The following L2HGDH variants were observed in gnomAD, a reference collection of about 807,000 sequenced individuals.
The protein encoded by L2HGDH is L-2-hydroxyglutarate dehydrogenase, mitochondrial.
L2HGDH carries 34 observed loss-of-function variants against 51.5 expected under a neutral mutation model. That is an observed-to-expected ratio of 0.66 (90% CI 0.50 to 0.88). The LOEUF (loss-of-function observed/expected upper bound fraction) is 0.88, where lower values mean the gene tolerates loss of function less well. L2HGDH is among the 40% of genes least tolerant of loss of function. The pLI is 0.00. For missense variants in L2HGDH, 558 were observed against 571.9 expected (o/e 0.98, Z 0.25); for synonymous variants, 198 against 197.9 (o/e 1.00, Z -0.01).
intron 9 of L2HGDH, among the ~76,000 whole-genome samples, chr14:50,250,079 T>G (rs534442789): frequency 6.6e-6 from 1 of 152,076 alleles, no homozygotes; most frequent in African/African-American, 2.4e-5. Flanking sequence ...TTTTTGTATT[T>G]TTAGTAGAGA....
At position 50,248,394 on chromosome 14, in the gene L2HGDH, C is replaced by T. The variant is rs377455020; in HGVS notation, c.1197-1141G>A. 2.6e-4 allele frequency among the ~76,000 whole-genome samples: 40 copies of T among 152,286 alleles called. No homozygotes were observed. In the East Asian group the frequency reaches 5.6e-3, roughly 21 times the overall value. ...AAGAACACTATGAAGGCACTGCCCT[C>T]TAAGACTTCAGCTGGCTGAAGAGAG... is the stretch of plus-strand genomic sequence containing the variant. On this transcript the variant is annotated intron_variant, in intron 9 of 9. Transcript: ENST00000267436.
At chr14:50,285,914 C>A (rs566395486) in intron 4 of L2HGDH, among the ~76,000 whole-genome samples, 1 of 152,264 alleles carries the variant, frequency 6.6e-6, no homozygotes, top group Admixed American at 6.5e-5. Flanking sequence ...GTGTGCCCCA[C>A]CTATACATGT....
At position 50,262,576 on chromosome 14, in the gene L2HGDH, G is replaced by GTA. The variant is rs1485023325; in HGVS notation, c.1196+2780_1196+2781dup. 9.9e-5 allele frequency among the ~76,000 whole-genome samples: 15 copies of GTA among 151,920 alleles called. No individual in the cohort carries two copies. In the East Asian group the frequency reaches 2.9e-3, roughly 29 times the overall value. On this transcript the variant is annotated intron_variant, in intron 9 of 9. Coordinates refer to ENST00000267436, the MANE Select transcript of L2HGDH (RefSeq NM_024884.3). ...CATTACCGATATGATAGAAGCCTCT[G>GTA]TAGAACTCTCAAGATCCCATTCTCT...
At chr14:50,254,542 T>G (rs1210824680) in intron 9 of L2HGDH, among the ~76,000 whole-genome samples, 1 of 151,994 alleles carries the variant, frequency 6.6e-6, no homozygotes, top group Non-Finnish European at 1.5e-5. Context: ...TGATGTTGAG[T>G]GTCCAATGTA....
intron 6 of L2HGDH, among the ~76,000 whole-genome samples, chr14:50,272,264 G>A (rs1889739289): frequency 6.6e-6 from 1 of 152,084 alleles, no homozygotes; most frequent in Non-Finnish European, 1.5e-5. Context: ...GGCAACTCTG[G>A]GTACAAAGTA....
At chr14:50,311,975 C>G (rs1185039957) in intron 1 of L2HGDH, 36 bp downstream of exon 1, 2 of 1,545,130 alleles carry the variant, frequency 1.3e-6, no homozygotes, top group East Asian at 2.4e-5. Flanking sequence ...CGAGGGGCAG[C>G]AGCGCAGGCG....
At chr14:50,279,540 G>A (rs1890145491) in intron 5 of L2HGDH, among the ~76,000 whole-genome samples, 2 of 152,118 alleles carry the variant, frequency 1.3e-5, no homozygotes, top group East Asian at 3.8e-4. Flanking sequence ...TATGGGTGAT[G>A]CTAACATTTG....
At chr14:50,254,429 G>A (rs913808368) in intron 9 of L2HGDH, among the ~76,000 whole-genome samples, 1 of 151,988 alleles carries the variant, frequency 6.6e-6, no homozygotes, top group Non-Finnish European at 1.5e-5. Context: ...GGGTAGAGAC[G>A]CATATGTTTA....
chr14:50,256,056 A>C (rs1311689316), intron 9 of L2HGDH, among the ~76,000 whole-genome samples: 1 of 152,132 alleles, frequency 6.6e-6, no homozygotes, highest in South Asian at 2.1e-4. Flanking sequence ...TGTGTAACTA[A>C]ATACATACAT....
rs1887960058 is a variant in L2HGDH at position 50,245,665 on chromosome 14, T to C, written c.*1393A>G. 1 of 982,350 alleles carries C rather than the reference T, an allele frequency of 1.0e-6. No individual in the cohort carries two copies. Among genetic ancestry groups the C allele is most frequent in the Admixed American group, 6.2e-5 (1 of 16,252 alleles). 60.9% of individuals were successfully genotyped at this position (982,350 alleles called of 1,614,324 possible). On this transcript the variant is annotated 3_prime_UTR_variant, in exon 10 of 10. Transcript: ENST00000267436. ...AATTAAAAGAATGTAACCTACAATA[T>C]AATGTATTTTCTTGTCTATGAGAGA...
intron 5 of L2HGDH, among the ~76,000 whole-genome samples, chr14:50,283,383 C>T (rs1890383985): frequency 6.6e-6 from 1 of 152,082 alleles, no homozygotes; most frequent in South Asian, 2.1e-4. Flanking sequence ...TCCAGGAGTC[C>T]CAGTTCTCTC....
At position 50,247,259 on chromosome 14, in the gene L2HGDH, A is replaced by G. The variant is rs1206462664; in HGVS notation, c.1197-6T>C. ...CTCTTACTCCAGCTGGGCCCCTGCAAAAGTAAAAGATGGGAGTCAGCTGAC... is the reference window on the plus strand; with the variant it reads ...CTCTTACTCCAGCTGGGCCCCTGCAGAAGTAAAAGATGGGAGTCAGCTGAC... On this transcript the variant is annotated splice_polypyrimidine_tract_variant and splice_region_variant and intron_variant, in intron 9 of 9. Transcript: ENST00000267436. 1.2e-6 allele frequency: 2 copies of G among 1,612,044 alleles called. No individual in the cohort carries two copies. The highest frequency in any genetic ancestry group is 2.2e-5 in the East Asian group (1 of 44,876).
rs867021610 is a variant in L2HGDH, at chr14:50,306,597, G to A, written c.141-3580C>T. Among the ~76,000 whole-genome samples the A allele has an allele frequency of 7.0e-3, 695 of 99,444 alleles. 3 individuals are homozygous for A. Among genetic ancestry groups the A allele is most frequent in the African/African-American group, 0.029 (665 of 22,590 alleles). 65.2% of individuals were successfully genotyped at this position (99,444 alleles called of 152,430 possible). ...TTTTTTTGGGGGGTTTTTTTGTTTT[G>A]GGGTTTTTTTTTTTTTTTTAGATGG... On this transcript the variant is annotated intron_variant, in intron 1 of 9. Coordinates refer to ENST00000267436, the MANE Select transcript of L2HGDH (RefSeq NM_024884.3).
chr14:50,310,058 G>C (rs1435562884), intron 1 of L2HGDH, among the ~76,000 whole-genome samples: 3 of 151,912 alleles, frequency 2.0e-5, no homozygotes, highest in Non-Finnish European at 2.9e-5. Flanking sequence ...AAACTGCATA[G>C]AACTAAACAC....
intron 9 of L2HGDH, among the ~76,000 whole-genome samples, chr14:50,259,384 T>TTC (rs1566506714): frequency 6.3e-5 from 7 of 111,920 alleles, no homozygotes; most frequent in African/African-American, 1.9e-4. Flanking sequence ...TTTTTTTTTT[T>TTC]CAGAAATGGG....
chr14:50,269,318 G>A lies in L2HGDH; in HGVS notation c.751C>T (p.Arg251Ter), dbSNP rs547796370. ...GCACATGTCACAACATACTGACATCGAATTTCCTCTCCCTAGTGCAAAATA... is the reference window on the plus strand; with the variant it reads ...GCACATGTCACAACATACTGACATCAAATTTCCTCTCCCTAGTGCAAAATA... ...VIKNTKGEEI[R>*]CQYVVTCAGL... The change falls in exon 7 of 10, where the codon CGA becomes TGA. Residue 251 changes from arginine to a stop codon, truncating the protein, a stop_gained. Transcript: ENST00000267436. LOFTEE classifies it high-confidence loss of function. 14 of 1,613,916 alleles carry A rather than the reference G, an allele frequency of 8.7e-6. No individual in the cohort carries two copies. The highest frequency in any genetic ancestry group is 3.3e-5 in the South Asian group (3 of 91,072).
At chr14:50,308,254 G>C (rs914733052) in intron 1 of L2HGDH, among the ~76,000 whole-genome samples, 1 of 152,240 alleles carries the variant, frequency 6.6e-6, no homozygotes, top group African/African-American at 2.4e-5. Context: ...GCTGGGCATG[G>C]TGGCGCATGC....
intron 9 of L2HGDH, among the ~76,000 whole-genome samples, chr14:50,261,603 C>T (rs1889028810): frequency 6.6e-6 from 1 of 152,002 alleles, no homozygotes; most frequent in Admixed American, 6.6e-5. Context: ...CCACTTAAGC[C>T]TCTCTAGTAG....
chr14:50,277,801 T>C (rs1890056202), intron 6 of L2HGDH, among the ~76,000 whole-genome samples: 1 of 147,066 alleles, frequency 6.8e-6, no homozygotes, highest in Non-Finnish European at 1.5e-5. Flanking sequence ...ATAATAATAA[T>C]AATAATAATA....
Sources: gnomAD v4.1 joint callset for allele counts (sites outside exome capture counted in the v4.1 genomes callset) on GRCh38, gnomAD v4.1.1 for gene constraint, MANE v1.5 for transcripts, NCBI Gene and HGNC (gene_info 2026-07-23, HGNC 2026-07-21) for gene names.